FHAD1: variants seen among roughly 807,000 people sequenced by gnomAD.
The protein encoded by FHAD1 is forkhead associated phosphopeptide binding domain 1, also known as forkhead-associated domain-containing protein 1.
In FHAD1, 146 loss-of-function variants were observed where a neutral mutation model predicts 191.3. That is an observed-to-expected ratio of 0.76 (90% CI 0.67 to 0.88). The LOEUF is 0.88. Among genes scored for constraint, FHAD1 ranks in the 40% least tolerant of loss-of-function variants. The pLI is 0.00. For synonymous variants in FHAD1, 616 were observed against 672.3 expected (o/e 0.92, Z 1.29); for missense variants, 1,635 against 1,785.8 (o/e 0.92, Z 1.52).
rs1404595501 is a variant in FHAD1 at position 15,381,495 on chromosome 1, C to A, written c.4022+44C>A. 6.9e-7 allele frequency: 1 copy of A among 1,452,634 alleles called. No homozygotes were observed. The highest frequency in any genetic ancestry group is 2.3e-4 in the Middle Eastern group (1 of 4,416). 90.0% of individuals were successfully genotyped at this position (1,452,634 alleles called of 1,614,324 possible). A position where few individuals can be genotyped will look rare whatever the true frequency, so the allele number is the denominator to read the frequency against. On this transcript the variant is annotated intron_variant, in intron 30 of 33. Transcript: ENST00000688493. This position sits in a 1 kb window ranked among gnomAD's most constrained non-coding sequence, Gnocchi z 4.6. ...GTCCCCACAGAAAGGCCCGGGCCTC[C>A]CTTCTCCTGGCTAAACTCAGGCTAG...
chr1:15,248,020 A>G (rs1227663021), intron 1 of FHAD1, among the ~76,000 whole-genome samples: 1 of 151,610 alleles, frequency 6.6e-6, no homozygotes, highest in East Asian at 1.9e-4. Flanking sequence ...GTGGGGAAAT[A>G]GGGCCCAACC....
chr1:15,324,618 C>A, intron 11 of FHAD1, 59 bp downstream of exon 11: 1 of 1,248,376 alleles, frequency 8.0e-7, no homozygotes, highest in Non-Finnish European at 1.1e-6. Flanking sequence ...TGCACCCAAG[C>A]AGCCAGTGGG....
intron 2 of FHAD1, among the ~76,000 whole-genome samples, chr1:15,256,078 C>G (rs941654430): frequency 6.6e-6 from 1 of 152,236 alleles, no homozygotes; most frequent in African/African-American, 2.4e-5. Context: ...CATTTCAGAG[C>G]TAAACCTTCT....
intron 14 of FHAD1, chr1:15,334,289 A>G (rs748101077): frequency 1.5e-5 from 2 of 132,176 alleles, no homozygotes; most frequent in African/African-American, 5.8e-5. Flanking sequence ...CCCTGCACAC[A>G]TACACACTTC....
At position 15,339,558 on chromosome 1, in the gene FHAD1, C is replaced by A. The variant is rs763054255; in HGVS notation, c.1977+7C>A. 1 of 1,256,620 alleles carries A rather than the reference C, an allele frequency of 8.0e-7. No individual in the cohort carries two copies. Among genetic ancestry groups the A allele is most frequent in the Non-Finnish European group, 1.0e-6 (1 of 955,362 alleles). 77.8% of individuals were successfully genotyped at this position (1,256,620 alleles called of 1,614,324 possible). A position where few individuals can be genotyped will look rare whatever the true frequency, so the allele number is the denominator to read the frequency against. On this transcript the variant is annotated splice_region_variant and intron_variant, in intron 15 of 33. Transcript: ENST00000688493. ...CCAGGCCCAGGAACTTCAGGTAATTCTTTTAATTTCTTTTTTTCCAAAGTT... is the reference window on the plus strand; with the variant it reads ...CCAGGCCCAGGAACTTCAGGTAATTATTTTAATTTCTTTTTTTCCAAAGTT...
intron 3 of FHAD1, among the ~76,000 whole-genome samples, chr1:15,285,893 T>G (rs1256375623): frequency 6.6e-6 from 1 of 152,228 alleles, no homozygotes; most frequent in Non-Finnish European, 1.5e-5. Flanking sequence ...TTCTGACACA[T>G]GCTACAACAT....
rs540662072 is a variant in FHAD1 at position 15,311,838 on chromosome 1, C to T, written c.1040-1219C>T. 3.9e-5 allele frequency among the ~76,000 whole-genome samples: 6 copies of T among 152,322 alleles called. No individual in the cohort carries two copies. Among genetic ancestry groups the T allele is most frequent in the African/African-American group, 1.2e-4 (5 of 41,566 alleles). ...AAGCAACAAATATGTTTATCTTACC[C>T]GGTTTCTGTGGTTCAGGAACTTGGG... On this transcript the variant is annotated intron_variant, in intron 7 of 33. Coordinates refer to ENST00000688493, the MANE Select transcript of FHAD1 (RefSeq NM_001391957.1). This position sits in a 1 kb window ranked among gnomAD's most constrained non-coding sequence, Gnocchi z 4.1.
chr1:15,383,900 C>A, intron 31 of FHAD1: 1 of 443,864 alleles, frequency 2.3e-6, no homozygotes, highest in Non-Finnish European at 4.5e-6. Flanking sequence ...TCCCTCTGAC[C>A]CTGGTTCTCC....
At chr1:15,383,223 G>T (rs968464845) in intron 31 of FHAD1, 2 of 470,844 alleles carry the variant, frequency 4.2e-6, no homozygotes, top group Non-Finnish European at 8.8e-6. Flanking sequence ...GGCATCCCTC[G>T]CTATCTGCTG....
rs577714188 is a variant in FHAD1 at position 15,392,440 on chromosome 1, G to A, written c.4323+1177G>A. Among the ~76,000 whole-genome samples the A allele has an allele frequency of 2.0e-5, 3 of 152,286 alleles. No individual in the cohort carries two copies. In the East Asian group the frequency reaches 5.8e-4, roughly 29 times the overall value. ...CCAGCTACTCGGGAGGCTGAGACAG[G>A]AGAATGGTGTGAACCTGGGAGGCGG... On this transcript the variant is annotated intron_variant, in intron 33 of 33. Coordinates refer to ENST00000688493, the MANE Select transcript of FHAD1 (RefSeq NM_001391957.1).
At chr1:15,252,990 A>G (rs1297160700) in intron 2 of FHAD1, among the ~76,000 whole-genome samples, 1 of 152,212 alleles carries the variant, frequency 6.6e-6, no homozygotes, top group Non-Finnish European at 1.5e-5. Flanking sequence ...GACCTCACTC[A>G]ATAGACTTTT....
intron 5 of FHAD1, among the ~76,000 whole-genome samples, chr1:15,299,043 CA>C (rs1219555153): frequency 6.8e-6 from 1 of 148,126 alleles, no homozygotes; most frequent in Non-Finnish European, 1.5e-5. Flanking sequence ...ACAACAACAA[CA>C]AAAAAACGAG....
In FHAD1 at chr1:15,375,651, G is replaced by C. The variant is rs1162325943; in HGVS notation, c.3626G>C (p.Arg1209Thr). Reference protein sequence around the residue: ...NESFLDLKNLRMENNVQKILL... With the variant: ...NESFLDLKNLTMENNVQKILL... ...TCATTTCTAGATTTAAAGAACCTCA[G>C]AATGGAAAACAATGTCCAGAAAATA... The change falls in exon 28 of 34, where the codon AGA (arginine) becomes ACA (threonine). Residue 1209 changes from arginine to threonine, a missense_variant. Transcript: ENST00000688493. 1 of 1,547,486 alleles carries C rather than the reference G, an allele frequency of 6.5e-7. No individual in the cohort carries two copies. Among genetic ancestry groups the C allele is most frequent in the Non-Finnish European group, 8.7e-7 (1 of 1,145,560 alleles).
Position 15,375,632 on chromosome 1 carries a change from C to T in FHAD1, c.3607C>T (p.Leu1203=). ...DHKDHQNESF[L]DLKNLRMENN... is the part of the protein sequence containing the mutation. ...TAAAGACCACCAGAATGAATCATTT[C>T]TAGATTTAAAGAACCTCAGAATGGA... The change falls in exon 28 of 34, where the codon CTA becomes TTA. Residue 1203 remains leucine (L), a synonymous_variant. Transcript: ENST00000688493. 3.2e-6 allele frequency: 5 copies of T among 1,542,600 alleles called. No individual in the cohort carries two copies. Among genetic ancestry groups the T allele is most frequent in the African/African-American group, 2.8e-5 (2 of 72,490 alleles).
intron 9 of FHAD1, 146 bp from the exon 10 acceptor site, chr1:15,317,678 G>A (rs894865916): frequency 6.2e-5 from 37 of 594,032 alleles, no homozygotes; most frequent in Non-Finnish European, 9.3e-5. Context: ...CTTCCTCCAG[G>A]AGAAGGAATT....
At position 15,308,644 on chromosome 1, in the gene FHAD1, T is replaced by G; in HGVS notation, c.947T>G (p.Val316Gly). The change falls in exon 7 of 34, where the codon GTG (valine) becomes GGG (glycine). Residue 316 changes from valine to glycine, a missense_variant. Coordinates refer to ENST00000688493, the MANE Select transcript of FHAD1 (RefSeq NM_001391957.1). Reference sequence around the variant, plus strand: ...GCCCTACAGAAAGGCTACAGCAAGGTGCTGTGCCAGACCCTGTCAGAGCGG... The same window carrying G: ...GCCCTACAGAAAGGCTACAGCAAGGGGCTGTGCCAGACCCTGTCAGAGCGG... ...ISALQKGYSK[V>G]LCQTLSERNS... 6.4e-7 allele frequency: 1 copy of G among 1,551,726 alleles called. No individual in the cohort carries two copies. Among genetic ancestry groups the G allele is most frequent in the Non-Finnish European group, 8.7e-7 (1 of 1,147,000 alleles).
Position 15,324,558 on chromosome 1 carries a change from A to G in FHAD1, c.1472A>G (p.Gln491Arg). Residue 491 changes from glutamine (Q) to arginine (R), a missense_variant and splice_region_variant, in exon 11 of 34, where the codon CAG becomes CGG. Gln to Arg is a conservative substitution (Grantham distance 43). Transcript: ENST00000688493. ...ATCAATTTGGAGAGGGCAGTAGGTC[A>G]GGTAGGCATGTTCCAGAGCCCCCCT... is the stretch of plus-strand genomic sequence containing the variant. ...IKINLERAVG[Q>R]LEHFRSQVIK... 4 of 1,548,468 alleles carry G rather than the reference A, an allele frequency of 2.6e-6. No individual in the cohort carries two copies. The South Asian group carries it at 4.8e-5, about 18-fold the overall frequency.
intron 3 of FHAD1, among the ~76,000 whole-genome samples, chr1:15,287,900 C>G (rs1323514627): frequency 6.6e-6 from 1 of 152,204 alleles, no homozygotes; most frequent in African/African-American, 2.4e-5. Flanking sequence ...TGGAAGCATT[C>G]TGTCCTTTTC....
intron 10 of FHAD1, among the ~76,000 whole-genome samples, chr1:15,321,229 G>A (rs949338083): frequency 2.0e-5 from 3 of 152,084 alleles, no homozygotes; most frequent in African/African-American, 7.2e-5. Flanking sequence ...ACAATGCCTG[G>A]GCGAGTTGAC....
Sources: allele counts gnomAD v4.1 joint callset (sites outside exome capture counted in the v4.1 genomes callset), GRCh38; gene constraint gnomAD v4.1.1; non-coding constraint Gnocchi (gnomAD v3.1); transcripts MANE v1.5; gene names NCBI Gene and HGNC (gene_info 2026-07-23, HGNC 2026-07-21).